The following ZBTB7C variants were observed in gnomAD, a reference collection of about 807,000 sequenced individuals.
ZBTB7C encodes zinc finger and BTB domain containing 7C.
Under a neutral mutation model 25.7 loss-of-function variants are expected in ZBTB7C, and 8 were observed. The ratio of observed to expected loss-of-function variants is 0.31; its 90% CI spans 0.18 to 0.56. ZBTB7C has a LOEUF of 0.56. Ranked by LOEUF, ZBTB7C falls within the 20% of genes least tolerant of loss-of-function variation. The probability of loss-of-function intolerance (pLI) is 0.91; values close to 1 mark genes in which losing one functional copy is unlikely to be tolerated. For synonymous variants in ZBTB7C, 394 were observed against 369.0 expected (o/e 1.07, Z -0.78); for missense variants, 824 against 855.2 (o/e 0.96, Z 0.46).
At chr18:48,274,149 T>C (rs1003040147) in intron 2 of ZBTB7C, among the ~76,000 whole-genome samples, 6 of 152,214 alleles carry the variant, frequency 3.9e-5, no homozygotes, top group Admixed American at 1.3e-4. Flanking sequence ...TGTGATGGAA[T>C]TGGGCCAAGC....
intron 2 of ZBTB7C, among the ~76,000 whole-genome samples, chr18:48,243,932 C>A (rs1037075266): frequency 2.0e-5 from 3 of 152,158 alleles, no homozygotes; most frequent in Non-Finnish European, 2.9e-5. Context: ...GAAAAGGACA[C>A]CCTATTCAAC....
chr18:48,057,050 CA>C (rs11380205), intron 3 of ZBTB7C, among the ~76,000 whole-genome samples: 7,399 of 64,356 alleles, frequency 0.11, 180 homozygotes, highest in Non-Finnish European at 0.14. Flanking sequence ...GAAAAATTGT[CA>C]AAAAAAAAAA....
intron 2 of ZBTB7C, among the ~76,000 whole-genome samples, chr18:48,309,664 T>C (rs2045765180): frequency 6.6e-6 from 1 of 152,246 alleles, no homozygotes; most frequent in Non-Finnish European, 1.5e-5. Context: ...CACATCTTAT[T>C]GCCAAAAATG....
At chr18:48,187,283 T>C (rs2042079198) in intron 2 of ZBTB7C, among the ~76,000 whole-genome samples, 1 of 152,190 alleles carries the variant, frequency 6.6e-6, no homozygotes, top group African/African-American at 2.4e-5. Context: ...TTGTTCACAA[T>C]AGCCAAAAGA....
intron 3 of ZBTB7C, among the ~76,000 whole-genome samples, chr18:48,136,011 G>A (rs1291097565): frequency 2.6e-5 from 4 of 152,228 alleles, no homozygotes; most frequent in Non-Finnish European, 5.9e-5. Flanking sequence ...ACAGAAAGGA[G>A]CGACCCTGGA....
At chr18:48,320,364 A>G (rs2046060238) in intron 2 of ZBTB7C, among the ~76,000 whole-genome samples, 1 of 152,202 alleles carries the variant, frequency 6.6e-6, no homozygotes, top group South Asian at 2.1e-4. Flanking sequence ...ACTGAGTGAC[A>G]TGGTGGGGAG....
chr18:48,040,204 G>T lies in ZBTB7C; in HGVS notation c.904C>A (p.Pro302Thr). 4 of 1,571,126 alleles carry T rather than the reference G, an allele frequency of 2.5e-6. No homozygotes were observed. The highest frequency in any genetic ancestry group is 3.4e-6 in the Non-Finnish European group (4 of 1,160,718). ...EEKEELPPPPPPPFPNDFFKD... is the reference protein window; with the variant it reads ...EEKEELPPPPTPPFPNDFFKD... Reference sequence around the variant, plus strand: ...AAGAAGTCATTAGGGAAGGGTGGCGGTGGGGGTGGGGGCAGCTCCTCCTTC... The same window carrying T: ...AAGAAGTCATTAGGGAAGGGTGGCGTTGGGGGTGGGGGCAGCTCCTCCTTC... Residue 302 changes from proline to threonine, a missense_variant, in exon 4 of 5, where the codon CCG (proline) becomes ACG (threonine). Physicochemically the swap from Pro to Thr is conservative, Grantham distance 38 (BLOSUM62 -1). This residue lies in a region of ZBTB7C where 316 missense variants were observed against 299.2 expected (regional missense o/e 1.06). Transcript: ENST00000590800.
intron 3 of ZBTB7C, chr18:48,087,718 C>T (rs967867985): frequency 5.9e-5 from 9 of 151,990 alleles, no homozygotes; most frequent in African/African-American, 2.2e-4. Flanking sequence ...TCTCTTGAGC[C>T]CAAGAGTTTG....
At chr18:48,080,433 A>C (rs1025162122) in intron 3 of ZBTB7C, among the ~76,000 whole-genome samples, 1 of 152,158 alleles carries the variant, frequency 6.6e-6, no homozygotes, top group Admixed American at 6.5e-5. Context: ...ATTAAGGCGA[A>C]GCTAAGAGAG....
chr18:48,248,393 C>T (rs1338206064), intron 2 of ZBTB7C, among the ~76,000 whole-genome samples: 2 of 152,148 alleles, frequency 1.3e-5, no homozygotes, highest in African/African-American at 4.8e-5. Context: ...CATCTCAGGG[C>T]CTTTGCACTT....
At chr18:48,400,788 G>A (rs1281678521) in intron 1 of ZBTB7C, among the ~76,000 whole-genome samples, 1 of 152,196 alleles carries the variant, frequency 6.6e-6, no homozygotes, top group African/African-American at 2.4e-5. Context: ...TTAAAAAGGT[G>A]GCTGCTAGGA....
rs182339980 is a variant in ZBTB7C at position 48,095,954 on chromosome 18, C to G, written c.-16-54831G>C. Reference sequence around the variant, plus strand: ...TATGGGAAGCCATATTTCAATCAGGCAAGGAGGCTGCAAGCAGGCAGTGAC... The same window carrying G: ...TATGGGAAGCCATATTTCAATCAGGGAAGGAGGCTGCAAGCAGGCAGTGAC... On this transcript the variant is annotated intron_variant, in intron 3 of 4. Coordinates refer to ENST00000590800, the MANE Select transcript of ZBTB7C (RefSeq NM_001318841.2). Among the ~76,000 whole-genome samples, 481 of 152,174 alleles carry G rather than the reference C, an allele frequency of 3.2e-3. 2 individuals carry two copies. Among genetic ancestry groups the G allele is most frequent in the Non-Finnish European group, 5.3e-3 (359 of 68,004 alleles).
intron 3 of ZBTB7C, among the ~76,000 whole-genome samples, chr18:48,176,852 G>T (rs2041697002): frequency 6.6e-6 from 1 of 152,216 alleles, no homozygotes; most frequent in Non-Finnish European, 1.5e-5. Flanking sequence ...TCAGCCAGGG[G>T]ACTGCCAGCA....
intron 2 of ZBTB7C, among the ~76,000 whole-genome samples, chr18:48,270,523 G>A (rs996276115): frequency 4.7e-5 from 7 of 148,738 alleles, no homozygotes; most frequent in African/African-American, 7.4e-5. Context: ...GTGAAACCCC[G>A]CTAAAAAATA....
At chr18:48,360,220 A>T (rs2047071677) in intron 1 of ZBTB7C, among the ~76,000 whole-genome samples, 1 of 152,230 alleles carries the variant, frequency 6.6e-6, no homozygotes, top group East Asian at 1.9e-4. Flanking sequence ...TTCTATAAAC[A>T]TTTGCACCTC....
At chr18:48,161,067 C>T (rs1280081055) in intron 3 of ZBTB7C, among the ~76,000 whole-genome samples, 2 of 151,480 alleles carry the variant, frequency 1.3e-5, no homozygotes, top group Non-Finnish European at 2.9e-5. Context: ...CCTGGGTCTT[C>T]CCTGCCTGCC....
At chr18:48,142,858 C>T (rs2040390357) in intron 3 of ZBTB7C, among the ~76,000 whole-genome samples, 1 of 152,032 alleles carries the variant, frequency 6.6e-6, no homozygotes, top group African/African-American at 2.4e-5. Flanking sequence ...GTTCACCTTC[C>T]TTCTCCCTTC....
At chr18:48,091,438 C>T (rs2038413708) in intron 3 of ZBTB7C, among the ~76,000 whole-genome samples, 1 of 152,028 alleles carries the variant, frequency 6.6e-6, no homozygotes, top group South Asian at 2.1e-4. Context: ...CTTTTTTAAA[C>T]TAAGTTTTTG....
At chr18:48,412,386 A>C (rs773309751), upstream of ZBTB7C, among the ~76,000 whole-genome samples, 1 of 152,194 alleles carries the variant, frequency 6.6e-6, no homozygotes, top group East Asian at 1.9e-4. Flanking sequence ...TATGTTTCTC[A>C]TGACAACTGT....
Sources: allele counts gnomAD v4.1 joint callset (sites outside exome capture counted in the v4.1 genomes callset), GRCh38; gene constraint gnomAD v4.1.1; regional missense constraint gnomAD v4.1.1; transcripts MANE v1.5; gene names NCBI Gene and HGNC (gene_info 2026-07-23, HGNC 2026-07-21).